The following NCOR2 variants were observed in gnomAD, a reference collection of about 807,000 sequenced individuals.
NCOR2 encodes nuclear receptor corepressor 2, also known as CTG repeat protein 26.
Under a neutral mutation model 262.9 loss-of-function variants are expected in NCOR2, and 81 were observed. That is an observed-to-expected ratio of 0.31 (90% CI 0.26 to 0.37). NCOR2 has a LOEUF of 0.37. Among genes scored for constraint, NCOR2 ranks in the 10% least tolerant of loss-of-function variants. The pLI is 1.00. For synonymous variants in NCOR2, 1,659 were observed against 1,559.3 expected, an observed-to-expected ratio of 1.06 and a Z score of -1.51; for missense variants, 3,385 against 3,621.4, an observed-to-expected ratio of 0.93 and a Z score of 1.68.
intron 13 of NCOR2, among the ~76,000 whole-genome samples, chr12:124,411,608 C>T (rs560994623): frequency 1.1e-4 from 16 of 152,378 alleles, no homozygotes; most frequent in South Asian, 2.1e-4. Flanking sequence ...CGCTCCCCAA[C>T]GGTCTGCAGT....
At chr12:124,437,717 G>A (rs559047007) in intron 8 of NCOR2, among the ~76,000 whole-genome samples, 1 of 152,254 alleles carries the variant, frequency 6.6e-6, no homozygotes, top group Admixed American at 6.5e-5. Context: ...AGGGGCCATA[G>A]AGCCCCCCCA....
chr12:124,557,006 C>CA (rs1444369733), intron 1 of NCOR2, among the ~76,000 whole-genome samples: 1 of 152,260 alleles, frequency 6.6e-6, no homozygotes, highest in African/African-American at 2.4e-5. Context: ...GTGGCTGAGA[C>CA]AGAGCGGGCA....
chr12:124,384,509 G>C (rs962758364), intron 17 of NCOR2, among the ~76,000 whole-genome samples: 1 of 152,124 alleles, frequency 6.6e-6, no homozygotes, highest in Non-Finnish European at 1.5e-5. Context: ...CCACAGGGCC[G>C]TGGGACCGTG....
chr12:124,428,627 T>C (rs2043733486), intron 10 of NCOR2, among the ~76,000 whole-genome samples: 1 of 152,090 alleles, frequency 6.6e-6, no homozygotes, highest in Non-Finnish European at 1.5e-5. Flanking sequence ...GCCAGGGAGG[T>C]GTTCGCTGTC....
chr12:124,394,204 T>C (rs2041509212), intron 16 of NCOR2, among the ~76,000 whole-genome samples: 1 of 152,240 alleles, frequency 6.6e-6, no homozygotes, highest in African/African-American at 2.4e-5. Context: ...TACCAAGGAC[T>C]GTTCCTATGT....
At chr12:124,438,098 T>C (rs2044470462) in intron 7 of NCOR2, 102 bp from the exon 10 acceptor site, 1 of 1,136,928 alleles carries the variant, frequency 8.8e-7, no homozygotes, top group Non-Finnish European at 1.3e-6. Context: ...TTTGCCCCGT[T>C]ATTGGTTCTC....
chr12:124,500,956 A>T (rs2048676246), intron 1 of NCOR2, among the ~76,000 whole-genome samples: 1 of 152,032 alleles, frequency 6.6e-6, no homozygotes, highest in Admixed American at 6.5e-5. Context: ...CTGGGAACTA[A>T]TGGGTGCTGA....
At chr12:124,456,607 T>C (rs2045874107) in intron 6 of NCOR2, among the ~76,000 whole-genome samples, 1 of 152,178 alleles carries the variant, frequency 6.6e-6, no homozygotes, top group Non-Finnish European at 1.5e-5. Flanking sequence ...ACACAGCTCC[T>C]CCTCACTGTA....
In NCOR2 at chr12:124,443,801, G is replaced by A. The variant is rs1228832279; in HGVS notation, c.816-5805C>T. 1.6e-4 allele frequency among the ~76,000 whole-genome samples: 24 copies of A among 152,110 alleles called. No individual in the cohort carries two copies. Among genetic ancestry groups the A allele is most frequent in the Non-Finnish European group, 1.5e-5 (1 of 68,028 alleles). On this transcript the variant is annotated intron_variant, in intron 7 of 46. Transcript: ENST00000405201. This position sits in a 1 kb window ranked among gnomAD's most constrained non-coding sequence, Gnocchi z 4.4. ...CAGGTGTGAGCCACCGCACCCGGCT[G>A]GTGCTTTCTAAAATCCTAAATTCAT...
intron 13 of NCOR2, among the ~76,000 whole-genome samples, chr12:124,419,017 G>T (rs939131043): frequency 1.3e-5 from 2 of 152,172 alleles, no homozygotes; most frequent in Non-Finnish European, 2.9e-5. Flanking sequence ...AGCTGCCAGA[G>T]TGCCCACTGC....
At chr12:124,361,869 C>T (rs2038615222) in intron 22 of NCOR2, among the ~76,000 whole-genome samples, 1 of 152,280 alleles carries the variant, frequency 6.6e-6, no homozygotes, top group South Asian at 2.1e-4. Context: ...AGAACCACCC[C>T]AGGCCTGATT....
intron 10 of NCOR2, among the ~76,000 whole-genome samples, chr12:124,427,215 C>T (rs959914106): frequency 1.3e-5 from 2 of 152,130 alleles, no homozygotes; most frequent in African/African-American, 2.4e-5. Flanking sequence ...TCCAGCTGGC[C>T]CCACAGCATG....
Position 124,388,833 on chromosome 12 carries a change from A to G in NCOR2, c.1877-2946T>C, listed in dbSNP as rs1483947667. On this transcript the variant is annotated intron_variant, in intron 16 of 46. Coordinates refer to ENST00000405201, the Ensembl canonical transcript of NCOR2. The stretch of plus-strand genomic sequence containing the variant: ...GCTGGTTGGCGTCTGCTGGCGGCTC[A>G]GCTCAGCCTCACATCCTTCTCCGTC... The G allele has an allele frequency of 5.5e-6, 7 of 1,279,812 alleles. No individual in the cohort carries two copies. The South Asian group carries it at 6.3e-5, about 12-fold the overall frequency. 79.3% of individuals were successfully genotyped at this position (1,279,812 alleles called of 1,614,324 possible).
chr12:124,371,984 A>G, intron 20 of NCOR2, 38 bp downstream of exon 22: 1 of 1,536,462 alleles, frequency 6.5e-7, no homozygotes, highest in Non-Finnish European at 8.7e-7. Flanking sequence ...GTGTCTGCAG[A>G]CAAAAGCCAA....
intron 1 of NCOR2, among the ~76,000 whole-genome samples, chr12:124,528,894 A>C (rs1187700946): frequency 1.3e-5 from 2 of 152,186 alleles, no homozygotes. Context: ...GTTAAGAACA[A>C]CACCTCTGGG....
chr12:124,535,933 C>T (rs529616275), upstream of NCOR2, among the ~76,000 whole-genome samples: 166 of 152,206 alleles, frequency 1.1e-3, 1 homozygote, highest in Middle Eastern at 6.8e-3. Context: ...CCGGGCCACA[C>T]GGCTAGGCTA....
rs188576666 is a variant in NCOR2 at position 124,501,553 on chromosome 12, G to A, written c.-117-6185C>T. On this transcript the variant is annotated intron_variant, in intron 1 of 46. Coordinates refer to the NCOR2 transcript ENST00000404621. ...AGCTCTGGTGGCCCCGGCAACCCCC[G>A]GTGTTCCCTGGCTTGTAGATGCATC... Among the ~76,000 whole-genome samples the A allele has an allele frequency of 1.6e-4, 24 of 152,186 alleles. 1 individual carries two copies. Among genetic ancestry groups the A allele is most frequent in the East Asian group, 5.8e-4 (3 of 5,172 alleles).
intron 1 of NCOR2, among the ~76,000 whole-genome samples, chr12:124,516,610 G>A (rs566233404): frequency 9.7e-4 from 148 of 152,250 alleles, no homozygotes; most frequent in Non-Finnish European, 1.7e-3. Context: ...AGGCTCTCCC[G>A]AGACACACCG....
Position 124,430,792 on chromosome 12 carries a change from G to A in NCOR2, c.883-5C>T, listed in dbSNP as rs568668148. On this transcript the variant is annotated splice_region_variant and splice_polypyrimidine_tract_variant and intron_variant, in intron 8 of 46. Transcript: ENST00000405201. ...GCGCTGGCAGAACTTCTGCTCCTGG[G>A]AGAGCGCAGGGGGCACTGCGGAAGA... The A allele has an allele frequency of 6.2e-7, 1 of 1,606,388 alleles. No individual in the cohort carries two copies. Among genetic ancestry groups the A allele is most frequent in the East Asian group, 2.2e-5 (1 of 44,738 alleles).
Sources: allele counts gnomAD v4.1 joint callset (sites outside exome capture counted in the v4.1 genomes callset), GRCh38; gene constraint gnomAD v4.1.1; non-coding constraint Gnocchi (gnomAD v3.1); transcripts MANE v1.5; gene names NCBI Gene and HGNC (gene_info 2026-07-23, HGNC 2026-07-21).